Variants in ABCB5 observed in about 807,000 individuals in gnomAD.
ABCB5 encodes ATP binding cassette subfamily B member 5.
A neutral mutation model predicts 144.2 loss-of-function variants in ABCB5; 155 were observed. That is an observed-to-expected ratio of 1.08 (90% CI 0.94 to 1.23). The LOEUF is 1.23. Ranked by LOEUF, ABCB5 falls within the 50% of genes most tolerant of loss-of-function variation. The pLI, the probability that ABCB5 is intolerant of heterozygous loss-of-function variation, is 0.00. For missense variants in ABCB5, 1,830 were observed against 1,520.8 expected, an observed-to-expected ratio of 1.20 and a Z score of -3.38; for synonymous variants, 610 against 528.6, an observed-to-expected ratio of 1.15 and a Z score of -2.11.
chr7:20,621,889 T>A (rs1277548319), intron 1 of ABCB5, among the ~76,000 whole-genome samples: 1 of 152,172 alleles, frequency 6.6e-6, no homozygotes, highest in African/African-American at 2.4e-5. Flanking sequence ...GATATGGGAC[T>A]GTGCAATAGA....
In ABCB5 at chr7:20,727,131, C is replaced by A; in HGVS notation, c.2717C>A (p.Thr906Asn). The change falls in exon 22 of 28, where the codon ACT becomes AAT. Residue 906 changes from threonine to asparagine, a missense_variant. Physicochemically the swap from Thr to Asn is moderately conservative, Grantham distance 65 (BLOSUM62 0). Transcript: ENST00000404938. ...FEQMYEEMLQ[T>N]QHRNTSKKAQ... Reference sequence around the variant, plus strand: ...CAAATGTATGAAGAGATGCTTCAGACTCAACACAGGTGATTATAGATTCAT... The same window carrying A: ...CAAATGTATGAAGAGATGCTTCAGAATCAACACAGGTGATTATAGATTCAT... 6.2e-7 allele frequency: 1 copy of A among 1,612,776 alleles called. No homozygotes were observed. The highest frequency in any genetic ancestry group is 8.5e-7 in the Non-Finnish European group (1 of 1,179,124).
At chr7:20,630,340 A>C (rs1372971254) in intron 4 of ABCB5, among the ~76,000 whole-genome samples, 1 of 152,038 alleles carries the variant, frequency 6.6e-6, no homozygotes, top group Non-Finnish European at 1.5e-5. Context: ...TTTAAATTCT[A>C]ATTTATACCT....
At chr7:20,636,307 G>C (rs1784153942) in intron 5 of ABCB5, among the ~76,000 whole-genome samples, 1 of 152,014 alleles carries the variant, frequency 6.6e-6, no homozygotes, top group Non-Finnish European at 1.5e-5. Context: ...TTTACAAAAA[G>C]TTTAAAATTT....
chr7:20,618,764 C>CTTTTTTTTTTTTTTTTTTT lies in ABCB5; in HGVS notation c.-22+2937_-22+2955dup, dbSNP rs59970398. Among the ~76,000 whole-genome samples the CTTTTTTTTTTTTTTTTTTT allele has an allele frequency of 1.6e-4, 8 of 51,574 alleles. 1 individual carries two copies. Among genetic ancestry groups the CTTTTTTTTTTTTTTTTTTT allele is most frequent in the Non-Finnish European group, 2.1e-4 (6 of 28,780 alleles). 33.8% of individuals were successfully genotyped at this position (51,574 alleles called of 152,430 possible). A position where few individuals can be genotyped will look rare whatever the true frequency, so the allele number is the denominator to read the frequency against. ...TCATGGCATATATGTGCTGCATTTT[C>CTTTTTTTTTTTTTTTTTTT]TTTTTTTTTTTTTTTTTTTTTTTTT... is the stretch of plus-strand genomic sequence containing the variant. On this transcript the variant is annotated intron_variant, in intron 1 of 27. Coordinates refer to ENST00000404938, the MANE Select transcript of ABCB5 (RefSeq NM_001163941.2).
chr7:20,727,426 A>T (rs191044904), intron 22 of ABCB5, among the ~76,000 whole-genome samples: 9 of 152,232 alleles, frequency 5.9e-5, no homozygotes, highest in Admixed American at 1.3e-4. Context: ...ATGAAATAAC[A>T]TACGCAAGAA....
intron 20 of ABCB5, among the ~76,000 whole-genome samples, chr7:20,705,804 T>A: frequency 6.6e-6 from 1 of 150,960 alleles, no homozygotes; most frequent in Non-Finnish European, 1.5e-5. Context: ...CGTTCTAAGT[T>A]GTTTTTTTTT....
rs776870770 is a variant in ABCB5 at position 20,658,665 on chromosome 7, G to A, written c.1696G>A (p.Ala566Thr). The A allele has an allele frequency of 3.7e-6, 6 of 1,613,680 alleles. No individual in the cohort carries two copies. The African/African-American group carries it at 4.0e-5, about 11-fold the overall frequency. The part of the protein sequence containing the change: ...DSESKSAVQA[A>T]LEKASKGRTT... ...AGAAAGCAAGTCAGCTGTTCAAGCTGCACTGGAGAAGGTAAGTGAGCAGAA... is the reference window on the plus strand; with the variant it reads ...AGAAAGCAAGTCAGCTGTTCAAGCTACACTGGAGAAGGTAAGTGAGCAGAA... Residue 566 changes from alanine (A) to threonine (T), a missense_variant, in exon 14 of 28, where the codon GCA becomes ACA. Physicochemically the swap from Ala to Thr is moderately conservative, Grantham distance 58 (BLOSUM62 0). Transcript: ENST00000404938.
intron 19 of ABCB5, among the ~76,000 whole-genome samples, chr7:20,702,024 G>A (rs1786646352): frequency 6.6e-6 from 1 of 152,186 alleles, no homozygotes; most frequent in African/African-American, 2.4e-5. Flanking sequence ...ACCGTGCTCA[G>A]ACTTGCAGTG....
At chr7:20,619,595 A>G (rs963571518) in intron 1 of ABCB5, among the ~76,000 whole-genome samples, 5 of 152,128 alleles carry the variant, frequency 3.3e-5, no homozygotes, top group African/African-American at 1.2e-4. Flanking sequence ...TGTAGGATGC[A>G]GAGTTTGCAC....
intron 14 of ABCB5, among the ~76,000 whole-genome samples, chr7:20,665,866 TAAA>T (rs5882752): frequency 1.7e-4 from 24 of 145,226 alleles, no homozygotes; most frequent in East Asian, 2.0e-4. Flanking sequence ...ATTTTGCAGT[TAAA>T]AAAAAAAAAA....
intron 14 of ABCB5, among the ~76,000 whole-genome samples, chr7:20,670,964 C>T (rs936390159): frequency 3.3e-5 from 5 of 152,104 alleles, no homozygotes; most frequent in Admixed American, 2.0e-4. Flanking sequence ...CTGTTCCCCA[C>T]GTATCAGTCA....
rs984853004 is a variant in ABCB5, at chr7:20,732,931, C to A, written c.2867+4476C>A. ...GGCTTTCCAAGACTGCCAACCATTC[C>A]ATTACTTATGAAAATTGCTATAACG... On this transcript the variant is annotated intron_variant, in intron 23 of 27. Coordinates refer to ENST00000404938, the MANE Select transcript of ABCB5 (RefSeq NM_001163941.2). Among the ~76,000 whole-genome samples the A allele has an allele frequency of 2.6e-5, 4 of 152,164 alleles. No homozygotes were observed. The South Asian group carries it at 8.3e-4, about 32-fold the overall frequency.
intron 3 of ABCB5, among the ~76,000 whole-genome samples, chr7:20,627,948 C>T (rs774279227): frequency 1.3e-5 from 2 of 152,102 alleles, no homozygotes; most frequent in Non-Finnish European, 2.9e-5. Context: ...CTGATTCATA[C>T]CCACATCTGA....
chr7:20,637,797 C>T lies in ABCB5; in HGVS notation c.315-5387C>T, dbSNP rs190490048. On this transcript the variant is annotated intron_variant, in intron 5 of 27. Transcript: ENST00000404938. ...CTACTTCTAATGTATCTAGCATAAC[C>T]TACTTGAAAGAGAAGGGGCAAACTA... Among the ~76,000 whole-genome samples, 569 of 152,236 alleles carry T rather than the reference C, an allele frequency of 3.7e-3. 1 individual carries two copies. The highest frequency in any genetic ancestry group is 0.012 in the African/African-American group (501 of 41,542).
intron 20 of ABCB5, among the ~76,000 whole-genome samples, chr7:20,705,665 T>C (rs910924628): frequency 6.6e-6 from 1 of 152,146 alleles, no homozygotes; most frequent in African/African-American, 2.4e-5. Flanking sequence ...ATCTTACAAG[T>C]ATTTATTCTG....
chr7:20,719,942 T>TACAC (rs10533720), intron 20 of ABCB5, among the ~76,000 whole-genome samples: 79 of 148,898 alleles, frequency 5.3e-4, no homozygotes, highest in African/African-American at 1.4e-3. Flanking sequence ...TACCTATCAA[T>TACAC]ACACACACAC....
chr7:20,633,826 T>C (rs1316666550), intron 5 of ABCB5, among the ~76,000 whole-genome samples: 1 of 152,140 alleles, frequency 6.6e-6, no homozygotes, highest in African/African-American at 2.4e-5. Context: ...TTTTAATTCC[T>C]AATATGCCCT....
chr7:20,681,022 CTTTCTTTCTT>C (rs869059692), intron 14 of ABCB5, among the ~76,000 whole-genome samples: 1,555 of 68,962 alleles, frequency 0.023, 186 homozygotes, highest in African/African-American at 0.11. Context: ...TTCTTTCTTT[CTTTCTTTCTT>C]TCTCTTTCTT....
rs1801694169 is a variant in ABCB5, at chr7:20,651,476, T to C, written c.1389T>C (p.His463=). The change falls in exon 13 of 28, where the codon CAT becomes CAC. Residue 463 remains histidine, a synonymous_variant. Transcript: ENST00000404938. ...TAAATGTGCGGCATTATCGAGACCA[T>C]ATTGGAGTGGTTAGTCAAGAGCCTG... ...RALNVRHYRD[H]IGVVSQEPVL... 2.5e-6 allele frequency: 4 copies of C among 1,613,990 alleles called. No homozygotes were observed. Among genetic ancestry groups the C allele is most frequent in the Non-Finnish European group, 3.4e-6 (4 of 1,180,014 alleles).
Sources: gnomAD v4.1 joint callset for allele counts (sites outside exome capture counted in the v4.1 genomes callset) on GRCh38, gnomAD v4.1.1 for gene constraint, MANE v1.5 for transcripts, NCBI Gene and HGNC (gene_info 2026-07-23, HGNC 2026-07-21) for gene names.